The following AMT variants were observed in gnomAD, a reference collection of about 807,000 sequenced individuals.
AMT encodes aminomethyltransferase.
AMT carries 24 observed loss-of-function variants against 39.5 expected under a neutral mutation model. The observed-to-expected ratio is 0.61, with a 90% CI of 0.44 to 0.86. The LOEUF is 0.86. AMT is among the 40% of genes least tolerant of loss of function. The pLI is 0.00. For synonymous variants in AMT, 210 were observed against 212.1 expected (o/e 0.99, Z 0.09); for missense variants, 501 against 537.0 (o/e 0.93, Z 0.66).
At position 49,421,006 on chromosome 3, in the gene AMT, A is replaced by G. The variant is rs1428064358; in HGVS notation, c.339+486T>C. 2.0e-5 allele frequency: 5 copies of G among 254,538 alleles called. No individual in the cohort carries two copies. In the East Asian group the frequency reaches 5.0e-4, roughly 25 times the overall value. The allele number at this position is 254,538 out of a possible 1,614,324, so 15.8% of individuals were successfully genotyped here. A position where few individuals can be genotyped will look rare whatever the true frequency, so the allele number is the denominator to read the frequency against. On this transcript the variant is annotated intron_variant, in intron 3 of 8. Coordinates refer to ENST00000273588, the MANE Select transcript of AMT (RefSeq NM_000481.4). Reference sequence around the variant, plus strand: ...GGCCAGAGTGCAGTGGTGCAACCTCAGCTTGCTGCAACCTCAGCCTCCCGA... The same window carrying G: ...GGCCAGAGTGCAGTGGTGCAACCTCGGCTTGCTGCAACCTCAGCCTCCCGA...
chr3:49,417,565 G>T lies in AMT; in HGVS notation c.1187C>A (p.Pro396His). ...TCACTTGAGGGTATAGTAGTTTGTG[G>T]GCACAAAGGGCATCTTGCTGACTAC... ...MAVVSKMPFV[P>H]TNYYTLK Residue 396 changes from proline to histidine, a missense_variant, in exon 9 of 9, where the codon CCC (proline) becomes CAC (histidine). Transcript: ENST00000273588. The T allele has an allele frequency of 6.2e-7, 1 of 1,614,176 alleles. No homozygotes were observed. The highest frequency in any genetic ancestry group is 8.5e-7 in the Non-Finnish European group (1 of 1,180,036).
intron 8 of AMT, 33 bp downstream of exon 8, chr3:49,417,785 A>G: frequency 6.2e-7 from 1 of 1,614,012 alleles, no homozygotes; most frequent in East Asian, 2.2e-5. Context: ...CTGGGAAGAG[A>G]CAAGGGTTTC....
At position 49,417,334 on chromosome 3, in the gene AMT, G is replaced by C. The variant is rs965247067; in HGVS notation, c.*206C>G. 6 of 1,595,358 alleles carry C rather than the reference G, an allele frequency of 3.8e-6. No individual in the cohort carries two copies. Among genetic ancestry groups the C allele is most frequent in the East Asian group, 4.5e-5 (2 of 44,768 alleles). The stretch of plus-strand genomic sequence containing the variant: ...ACTGAAACAAGACATTGTGTGAGCT[G>C]GTCCGTCACTCAGAAGCAGGGTCCT... On this transcript the variant is annotated 3_prime_UTR_variant, in exon 9 of 9. Coordinates refer to ENST00000273588, the MANE Select transcript of AMT (RefSeq NM_000481.4).
intron 5 of AMT, 21 bp from the exon 6 acceptor site, chr3:49,419,426 A>AC (rs1469168079): frequency 1.9e-6 from 3 of 1,612,640 alleles, no homozygotes; most frequent in Non-Finnish European, 2.5e-6. Context: ...GGAGCCAGTG[A>AC]CCAAGTATCC....
At chr3:49,418,113 C>T in intron 7 of AMT, 140 bp from the exon 8 acceptor site, 1 of 1,136,164 alleles carries the variant, frequency 8.8e-7, no homozygotes, top group Non-Finnish European at 1.3e-6. Context: ...TTCCTCCCTT[C>T]ACTGCCGTCA....
chr3:49,418,945 T>C, intron 7 of AMT, 26 bp downstream of exon 7: 1 of 1,613,088 alleles, frequency 6.2e-7, no homozygotes, highest in East Asian at 2.2e-5. Context: ...TCCAGGACCC[T>C]ATCCTTTAGT....
At chr3:49,421,263 A>G in intron 3 of AMT, 1 of 570,500 alleles carries the variant, frequency 1.8e-6, no homozygotes, top group Non-Finnish European at 3.1e-6. Context: ...AGAGAGCAGC[A>G]TATTAACCTT....
At chr3:49,418,385 G>T (rs990354512) in intron 7 of AMT, 2 of 265,518 alleles carry the variant, frequency 7.5e-6, no homozygotes, top group Non-Finnish European at 1.5e-5. Flanking sequence ...GTCTCACCAT[G>T]TTGGCCAGGC....
Position 49,416,925 on chromosome 3 carries a change from G to T in AMT, c.*615C>A. ...GCAGCCCTGGAACTCAGAATAGGTG[G>T]TGAGTCTGCCATGGTTTGCTACTGG... On this transcript the variant is annotated 3_prime_UTR_variant, in exon 9 of 9. Transcript: ENST00000273588. 2.2e-6 allele frequency: 1 copy of T among 462,448 alleles called. No homozygotes were observed. 28.6% of individuals were successfully genotyped at this position (462,448 alleles called of 1,614,324 possible). A position where few individuals can be genotyped will look rare whatever the true frequency, so the allele number is the denominator to read the frequency against.
In AMT at chr3:49,418,913, C is replaced by T. The variant is rs572177600; in HGVS notation, c.877+58G>A. On this transcript the variant is annotated intron_variant, in intron 7 of 8. Coordinates refer to ENST00000273588, the MANE Select transcript of AMT (RefSeq NM_000481.4). Reference sequence around the variant, plus strand: ...TTGGATGAGTCATGGGCTGGCTAGTCTTATCAAGGGTCACCCTGACCTCCA... The same window carrying T: ...TTGGATGAGTCATGGGCTGGCTAGTTTTATCAAGGGTCACCCTGACCTCCA... 2.5e-6 allele frequency: 4 copies of T among 1,584,878 alleles called. No homozygotes were observed. In the Admixed American group the frequency reaches 5.0e-5, roughly 20 times the overall value.
rs760960965 is a variant in AMT at position 49,417,746 on chromosome 3, A to T, written c.1034-28T>A. On this transcript the variant is annotated intron_variant, in intron 8 of 8. Coordinates refer to ENST00000273588, the MANE Select transcript of AMT (RefSeq NM_000481.4). ...GTCAAGCAAGCATAAGCCACGCATC[A>T]GCACCACCCTGCCAGTGCCCCCACC... The T allele has an allele frequency of 3.1e-6, 5 of 1,613,998 alleles. No individual in the cohort carries two copies. The East Asian group carries it at 6.7e-5, about 22-fold the overall frequency.
rs763216113 is a variant in AMT at position 49,417,960 on chromosome 3, T to C, written c.891A>G (p.Arg297=). Residue 297 remains arginine (R), a synonymous_variant, in exon 8 of 9, where the codon CGA becomes CGG. Transcript: ENST00000273588. ...TGGCTCCAGGGAAGTCCATAGCAGC[T>C]CGGCGGCGCTTCCCTGGAGAATGAC... ...SLSWTLGKRR[R]AAMDFPGAKV... 4 of 1,611,768 alleles carry C rather than the reference T, an allele frequency of 2.5e-6. No homozygotes were observed. Among genetic ancestry groups the C allele is most frequent in the Middle Eastern group, 1.7e-4 (1 of 5,968 alleles).
intron 2 of AMT, 98 bp from the exon 3 acceptor site, chr3:49,421,670 C>T: frequency 9.0e-7 from 1 of 1,115,348 alleles, no homozygotes; most frequent in Non-Finnish European, 1.4e-6. Context: ...CAGTGCAGTC[C>T]AGCCCACCCA....
rs760178260 is a variant in AMT at position 49,417,646 on chromosome 3, T to C, written c.1106A>G (p.Tyr369Cys). ...NVAMGYVPCE[Y>C]SRPGTMLLVE... ...CAGCAGCATTGTCCCTGGACGACTG[T>C]ACTCGCAGGGCACATAACCCATCGC... The change falls in exon 9 of 9, where the codon TAC (tyrosine) becomes TGC (cysteine). Residue 369 changes from tyrosine (Y) to cysteine (C), a missense_variant. Coordinates refer to ENST00000273588, the MANE Select transcript of AMT (RefSeq NM_000481.4). The C allele has an allele frequency of 1.2e-6, 2 of 1,614,022 alleles. No homozygotes were observed. Among genetic ancestry groups the C allele is most frequent in the East Asian group, 2.2e-5 (1 of 44,892 alleles).
intron 3 of AMT, 116 bp from the exon 4 acceptor site, chr3:49,420,458 G>A: frequency 2.0e-6 from 3 of 1,492,026 alleles, no homozygotes; most frequent in South Asian, 1.1e-5. Context: ...CTAATGTGAA[G>A]GACTCAGGGT....
chr3:49,420,600 T>C, intron 3 of AMT: 1 of 494,510 alleles, frequency 2.0e-6, no homozygotes, highest in South Asian at 2.0e-5. Context: ...CACTCTGTAC[T>C]GAGAGTCCCA....
intron 3 of AMT, 87 bp from the exon 4 acceptor site, chr3:49,420,429 T>TACC: frequency 6.3e-7 from 1 of 1,598,942 alleles, no homozygotes; most frequent in Non-Finnish European, 8.6e-7. Flanking sequence ...CCCACTTAGT[T>TACC]ACCAAAAGGT....
intron 5 of AMT, 123 bp from the exon 6 acceptor site, chr3:49,419,528 G>A: frequency 6.6e-7 from 1 of 1,509,866 alleles, no homozygotes; most frequent in Non-Finnish European, 9.1e-7. Context: ...GGGAGAAGAT[G>A]CCCTTGTCCC....
In AMT at chr3:49,419,761, C is replaced by T; in HGVS notation, c.499G>A (p.Gly167Ser). 2 of 1,614,104 alleles carry T rather than the reference C, an allele frequency of 1.2e-6. No homozygotes were observed. The highest frequency in any genetic ancestry group is 1.7e-6 in the Non-Finnish European group (2 of 1,180,034). The change falls in exon 5 of 9, where the codon GGC becomes AGC. Residue 167 changes from glycine to serine, a missense_variant. Gly to Ser is a moderately conservative substitution (Grantham distance 56). Transcript: ENST00000273588. ...AACACCTCCAGGCCCACATCTCTGC[C>T]CTGGTTCTGAAGCTCCCTGACCTTG... Reference protein sequence around the residue: ...QDKVRELQNQGRDVGLEVLDN... With the variant: ...QDKVRELQNQSRDVGLEVLDN...
Sources: allele counts gnomAD v4.1 joint callset, GRCh38; gene constraint gnomAD v4.1.1; transcripts MANE v1.5; gene names NCBI Gene and HGNC (gene_info 2026-07-23, HGNC 2026-07-21).